CEP63: variants seen among roughly 807,000 people sequenced by gnomAD.
The protein encoded by CEP63 is centrosomal protein 63.
A neutral mutation model predicts 89.1 loss-of-function variants in CEP63; 84 were observed. The observed-to-expected ratio is 0.94, with a 90% CI of 0.79 to 1.13. CEP63 has a LOEUF of 1.13. Among genes scored for constraint, CEP63 ranks in the 50% most tolerant of loss-of-function variants. The pLI is 0.00. For synonymous variants in CEP63, 267 were observed against 272.5 expected (o/e 0.98, Z 0.20); for missense variants, 838 against 813.3 (o/e 1.03, Z -0.37).
chr3:134,529,007 A>G (rs554855085), intron 3 of CEP63, among the ~76,000 whole-genome samples: 124 of 152,294 alleles, frequency 8.1e-4, no homozygotes, highest in Middle Eastern at 3.4e-3. Flanking sequence ...CATTGGAGAA[A>G]ATTTAGAAAA....
intron 2 of CEP63, among the ~76,000 whole-genome samples, chr3:134,495,850 A>G (rs1559862721): frequency 2.0e-5 from 3 of 152,104 alleles, no homozygotes; most frequent in Admixed American, 2.0e-4. Context: ...TGTGCCTATT[A>G]TTTCACTTAA....
chr3:134,723,755 A>G, the CEP63 span, among the ~76,000 whole-genome samples: 4 of 152,088 alleles, frequency 2.6e-5, no homozygotes, highest in Admixed American at 1.3e-4. Context: ...ACCTCTCTCT[A>G]TCTGTAATAT....
chr3:134,662,526 G>C, the CEP63 span, among the ~76,000 whole-genome samples: 1 of 152,198 alleles, frequency 6.6e-6, no homozygotes, highest in Non-Finnish European at 1.5e-5. Flanking sequence ...CCCTATGCTA[G>C]ATGCCTTCAC....
At chr3:134,756,095 C>G in the CEP63 span, among the ~76,000 whole-genome samples, 1 of 152,184 alleles carries the variant, frequency 6.6e-6, no homozygotes, top group South Asian at 2.1e-4. Context: ...ACTTGCCCAG[C>G]CCGAGCAGGG....
the CEP63 span, among the ~76,000 whole-genome samples, chr3:134,685,914 G>A: frequency 2.8e-3 from 424 of 152,314 alleles, 1 homozygote; most frequent in Admixed American, 4.4e-3. Flanking sequence ...TGTCTGCCAC[G>A]TGTTTAGGGC....
chr3:134,499,597 GTTGT>G (rs760517442), intron 2 of CEP63, among the ~76,000 whole-genome samples: 8 of 151,950 alleles, frequency 5.3e-5, no homozygotes, highest in Non-Finnish European at 7.4e-5. Context: ...GCATCGTTAG[GTTGT>G]TTATTTGAAG....
the CEP63 span, among the ~76,000 whole-genome samples, chr3:134,737,374 A>G: frequency 1.3e-5 from 2 of 152,206 alleles, no homozygotes; most frequent in Admixed American, 6.5e-5. Flanking sequence ...CAGAGAAGAT[A>G]CTTGTAATAT....
chr3:134,719,792 G>A, the CEP63 span, among the ~76,000 whole-genome samples: 2 of 152,118 alleles, frequency 1.3e-5, no homozygotes, highest in Non-Finnish European at 2.9e-5. Context: ...GTTGTAGTAT[G>A]TGTCAATACT....
In CEP63 at chr3:134,551,887, A is replaced by C. The variant is rs1277521524; in HGVS notation, c.1381-39A>C. ...AAATTTTGTAAGATGCATGTGATTT[A>C]CATGTTATATTTATTTTTTTCTGTT... is the stretch of plus-strand genomic sequence containing the variant. On this transcript the variant is annotated intron_variant, in intron 11 of 14. Transcript: ENST00000675561. The C allele has an allele frequency of 3.6e-6, 5 of 1,405,402 alleles. No homozygotes were observed. The African/African-American group carries it at 7.1e-5, about 20-fold the overall frequency. The allele number at this position is 1,405,402 out of a possible 1,614,324, so 87.1% of individuals were successfully genotyped here. A position where few individuals can be genotyped will look rare whatever the true frequency, so the allele number is the denominator to read the frequency against.
chr3:134,566,775 C>G (rs1291781601), downstream of CEP63, among the ~76,000 whole-genome samples: 1 of 151,978 alleles, frequency 6.6e-6, no homozygotes, highest in Non-Finnish European at 1.5e-5. Context: ...AATGGACAAT[C>G]ACAAGTGTTG....
chr3:134,510,107 A>G (rs1185184163), intron 3 of CEP63, among the ~76,000 whole-genome samples: 1 of 152,332 alleles, frequency 6.6e-6, no homozygotes, highest in East Asian at 1.9e-4. Flanking sequence ...GAAATTTACA[A>G]TCAGAATGGA....
the CEP63 span, among the ~76,000 whole-genome samples, chr3:134,596,052 G>T: frequency 8.2e-6 from 1 of 121,216 alleles, no homozygotes; most frequent in Non-Finnish European, 1.6e-5. Flanking sequence ...AGGTTTGTTT[G>T]TTGGTCTCTG....
intron 1 of CEP63, among the ~76,000 whole-genome samples, chr3:134,489,811 A>G (rs1937004738): frequency 6.6e-6 from 1 of 152,204 alleles, no homozygotes; most frequent in Non-Finnish European, 1.5e-5. Flanking sequence ...TCCAAAGGTA[A>G]CCATGAGGGT....
Position 134,487,920 on chromosome 3 carries a change from A to T in CEP63, c.-26+1718A>T, listed in dbSNP as rs184521755. 9.0e-4 allele frequency: 137 copies of T among 152,288 alleles called. 2 individuals are homozygous for T. The highest frequency in any genetic ancestry group is 3.1e-3 in the African/African-American group (128 of 41,562). 9.4% of individuals were successfully genotyped at this position (152,288 alleles called of 1,614,324 possible). ...GTTCCCTCATAGTTATAGCTATGGG[A>T]TTAGCCCCTATTTTTCCTTACAGTT... On this transcript the variant is annotated intron_variant, in intron 1 of 14. Coordinates refer to ENST00000675561, the MANE Select transcript of CEP63 (RefSeq NM_001353108.3).
chr3:134,638,101 G>A, the CEP63 span, among the ~76,000 whole-genome samples: 1 of 152,200 alleles, frequency 6.6e-6, no homozygotes, highest in South Asian at 2.1e-4. Flanking sequence ...TGATCTGCAT[G>A]GGAGTGTGAT....
chr3:134,530,686 T>C (rs1461585747), intron 3 of CEP63, among the ~76,000 whole-genome samples: 1 of 152,230 alleles, frequency 6.6e-6, no homozygotes, highest in African/African-American at 2.4e-5. Flanking sequence ...CTTACATCTT[T>C]TTTTAAAACT....
At chr3:134,585,597 G>T (rs904063149) in intron 10 of CEP63, among the ~76,000 whole-genome samples, 3 of 152,168 alleles carry the variant, frequency 2.0e-5, no homozygotes, top group African/African-American at 7.2e-5. Flanking sequence ...TTGCTGAGGA[G>T]TGCTTTACTT....
intron 2 of CEP63, among the ~76,000 whole-genome samples, chr3:134,506,713 AG>A (rs1559890886): frequency 6.6e-6 from 1 of 152,040 alleles, no homozygotes; most frequent in Non-Finnish European, 1.5e-5. Flanking sequence ...TGAGGTCAGG[AG>A]TTCAAAACCA....
At chr3:134,675,009 G>T in the CEP63 span, among the ~76,000 whole-genome samples, 4 of 152,140 alleles carry the variant, frequency 2.6e-5, no homozygotes, top group Admixed American at 6.5e-5. Context: ...ATCAAAACCA[G>T]CTGCCTTTTA....
Sources: gnomAD v4.1 joint callset for allele counts (sites outside exome capture counted in the v4.1 genomes callset) on GRCh38, gnomAD v4.1.1 for gene constraint, MANE v1.5 for transcripts, NCBI Gene and HGNC (gene_info 2026-07-23, HGNC 2026-07-21) for gene names.